Variants in RALGPS2 observed in about 807,000 individuals in gnomAD.
The protein encoded by RALGPS2 is ras-specific guanine nucleotide-releasing factor RalGPS2.
In RALGPS2, 43 loss-of-function variants were observed where a neutral mutation model predicts 86.8. The ratio of observed to expected loss-of-function variants is 0.50; its 90% confidence interval spans 0.39 to 0.64. The LOEUF (loss-of-function observed/expected upper bound fraction) is 0.64. Ranked by LOEUF, RALGPS2 falls within the 30% of genes least tolerant of loss-of-function variation. RALGPS2 has a pLI of 0.00. For missense variants in RALGPS2, 536 were observed against 694.6 expected (o/e 0.77, Z 2.57); for synonymous variants, 243 against 231.3 (o/e 1.05, Z -0.46).
In RALGPS2 at chr1:178,760,979, C is replaced by CTT. The variant is rs200598214; in HGVS notation, c.-83-15687_-83-15686dup. ...TCCCATATTTCTCCAAGACTTTATT[C>CTT]TTTTTTTTTTTTTTTTTGAGAGTCT... On this transcript the variant is annotated intron_variant, in intron 1 of 19. Coordinates refer to ENST00000367635, the MANE Select transcript of RALGPS2 (RefSeq NM_152663.5). Among the ~76,000 whole-genome samples the CTT allele has an allele frequency of 1.8e-3, 253 of 138,074 alleles. 1 individual carries two copies. The highest frequency in any genetic ancestry group is 6.3e-3 in the African/African-American group (233 of 37,192). 90.6% of individuals were successfully genotyped at this position (138,074 alleles called of 152,430 possible). A position where few individuals can be genotyped will look rare whatever the true frequency, so the allele number is the denominator to read the frequency against.
At chr1:178,794,137 G>A (rs917121270) in intron 4 of RALGPS2, among the ~76,000 whole-genome samples, 11 of 151,356 alleles carry the variant, frequency 7.3e-5, no homozygotes, top group Non-Finnish European at 1.5e-4. Flanking sequence ...CTTTTTTTGA[G>A]ACATGATCTC....
intron 7 of RALGPS2, among the ~76,000 whole-genome samples, chr1:178,832,659 TGTA>T (rs1418310696): frequency 6.6e-6 from 1 of 151,956 alleles, no homozygotes; most frequent in African/African-American, 2.4e-5. Flanking sequence ...TGAAATCTAA[TGTA>T]GTAATGAAAT....
intron 8 of RALGPS2, among the ~76,000 whole-genome samples, chr1:178,867,827 CAA>C (rs1658510417): frequency 1.3e-5 from 2 of 151,560 alleles, no homozygotes; most frequent in Non-Finnish European, 2.9e-5. Context: ...CTCCCGAAAA[CAA>C]AGGTCATGTC....
At chr1:178,849,416 C>T (rs574346503) in intron 8 of RALGPS2, among the ~76,000 whole-genome samples, 24 of 152,174 alleles carry the variant, frequency 1.6e-4, no homozygotes, top group Non-Finnish European at 3.2e-4. Flanking sequence ...GCCTAGTTTT[C>T]CAAGGTTGTA....
chr1:178,856,647 T>C (rs928609134), intron 8 of RALGPS2, among the ~76,000 whole-genome samples: 31 of 151,982 alleles, frequency 2.0e-4, no homozygotes, highest in Admixed American at 6.6e-4. Context: ...CTTAACACTA[T>C]ACCCAACAAA....
At chr1:178,893,338 A>G (rs918844667) in intron 15 of RALGPS2, among the ~76,000 whole-genome samples, 1 of 151,494 alleles carries the variant, frequency 6.6e-6, no homozygotes, top group African/African-American at 2.4e-5. Context: ...TCACTTATCC[A>G]TTGACACCAT....
intron 4 of RALGPS2, among the ~76,000 whole-genome samples, chr1:178,787,874 G>C (rs1056590554): frequency 6.6e-6 from 1 of 152,064 alleles, no homozygotes; most frequent in South Asian, 2.1e-4. Flanking sequence ...CCCTCTAAAT[G>C]CTTTTTTACC....
At chr1:178,831,689 A>G (rs1240355805) in intron 7 of RALGPS2, among the ~76,000 whole-genome samples, 4 of 149,584 alleles carry the variant, frequency 2.7e-5, no homozygotes, top group Non-Finnish European at 5.9e-5. Context: ...TTTAAATATA[A>G]CATTATAAAT....
intron 19 of RALGPS2, among the ~76,000 whole-genome samples, chr1:178,914,025 G>A (rs1408685021): frequency 1.3e-5 from 2 of 152,198 alleles, no homozygotes; most frequent in African/African-American, 4.8e-5. Context: ...AATAGTGGAA[G>A]CTACACTGTG....
intron 8 of RALGPS2, among the ~76,000 whole-genome samples, chr1:178,866,916 C>G (rs1658448896): frequency 1.3e-5 from 2 of 152,096 alleles, no homozygotes; most frequent in African/African-American, 4.8e-5. Flanking sequence ...TCTCTAGTTA[C>G]CTCCCACAAG....
At chr1:178,759,004 ATTTTC>A (rs1652096804) in intron 1 of RALGPS2, among the ~76,000 whole-genome samples, 1 of 151,856 alleles carries the variant, frequency 6.6e-6, no homozygotes, top group East Asian at 1.9e-4. Context: ...GGCTGCAAAT[ATTTTC>A]TTCCATTCTG....
chr1:178,781,072 G>C lies in RALGPS2; in HGVS notation c.58-3346G>C, dbSNP rs537244636. On this transcript the variant is annotated intron_variant, in intron 2 of 19. Coordinates refer to ENST00000367635, the MANE Select transcript of RALGPS2 (RefSeq NM_152663.5). Reference sequence around the variant, plus strand: ...TATATATCCAGAAATACCTGTTCTAGTATCATAGGAAGCAGAATACAAATA... The same window carrying C: ...TATATATCCAGAAATACCTGTTCTACTATCATAGGAAGCAGAATACAAATA... Among the ~76,000 whole-genome samples, 5 of 151,826 alleles carry C rather than the reference G, an allele frequency of 3.3e-5. No individual in the cohort carries two copies. The South Asian group carries it at 1.0e-3, about 32-fold the overall frequency.
At chr1:178,843,533 T>C (rs1344291133) in intron 8 of RALGPS2, among the ~76,000 whole-genome samples, 1 of 142,028 alleles carries the variant, frequency 7.0e-6, no homozygotes, top group Non-Finnish European at 1.5e-5. Context: ...GGGATAGCAT[T>C]GGGAGATATA....
intron 19 of RALGPS2, among the ~76,000 whole-genome samples, chr1:178,913,217 G>T (rs898731570): frequency 2.6e-5 from 4 of 151,900 alleles, no homozygotes; most frequent in African/African-American, 9.7e-5. Flanking sequence ...GGGAGGCAGA[G>T]GTTGCAATGA....
At chr1:178,848,697 G>A (rs576690364) in intron 8 of RALGPS2, among the ~76,000 whole-genome samples, 1 of 152,248 alleles carries the variant, frequency 6.6e-6, no homozygotes, top group East Asian at 1.9e-4. Context: ...CTGTCCCCCA[G>A]GCTCGAGTGC....
At chr1:178,814,515 A>G (rs1040939316) in intron 6 of RALGPS2, among the ~76,000 whole-genome samples, 6 of 152,168 alleles carry the variant, frequency 3.9e-5, no homozygotes, top group Non-Finnish European at 8.8e-5. Flanking sequence ...AACTCACTGC[A>G]TCCTTGACCT....
intron 14 of RALGPS2, among the ~76,000 whole-genome samples, 176 bp downstream of exon 14, chr1:178,889,872 T>C (rs190684658): frequency 1.1e-3 from 161 of 152,134 alleles, no homozygotes; most frequent in African/African-American, 3.5e-3. Context: ...TGAGAATGAA[T>C]GATAGTCTTA....
intron 4 of RALGPS2, among the ~76,000 whole-genome samples, chr1:178,798,734 T>G (rs569362906): frequency 6.6e-6 from 1 of 152,294 alleles, no homozygotes; most frequent in Admixed American, 6.5e-5. Flanking sequence ...TCTTTTATCT[T>G]GTATTGAAAA....
At chr1:178,738,795 C>A (rs765097887) in intron 1 of RALGPS2, among the ~76,000 whole-genome samples, 1 of 152,136 alleles carries the variant, frequency 6.6e-6, no homozygotes, top group Non-Finnish European at 1.5e-5. Flanking sequence ...GTAAGGATTT[C>A]TTTTACTCTT....
Sources: allele counts gnomAD v4.1 joint callset (sites outside exome capture counted in the v4.1 genomes callset), GRCh38; gene constraint gnomAD v4.1.1; transcripts MANE v1.5; gene names NCBI Gene and HGNC (gene_info 2026-07-23, HGNC 2026-07-21).